Variants in POT1 observed in about 807,000 individuals in gnomAD.
The protein encoded by POT1 is protection of telomeres protein 1.
POT1 carries 47 observed loss-of-function variants against 78.5 expected under a neutral mutation model. The observed-to-expected ratio is 0.60, with a 90% CI of 0.47 to 0.76. The LOEUF (loss-of-function observed/expected upper bound fraction) is 0.76. POT1 is among the 30% of genes least tolerant of loss of function. The probability of loss-of-function intolerance (pLI) is 0.00; values close to 1 mark genes in which losing one functional copy is unlikely to be tolerated. For missense variants in POT1, 646 were observed against 749.9 expected (o/e 0.86, Z 1.62); for synonymous variants, 259 against 260.7 (o/e 0.99, Z 0.06).
At chr7:124,878,824 A>G (rs1293313710) in intron 6 of POT1, among the ~76,000 whole-genome samples, 1 of 152,150 alleles carries the variant, frequency 6.6e-6, no homozygotes, top group East Asian at 1.9e-4. Flanking sequence ...AGATAGCCAA[A>G]GAATGGAAGA....
At chr7:124,889,897 T>C (rs1388487976) in intron 6 of POT1, among the ~76,000 whole-genome samples, 1 of 152,006 alleles carries the variant, frequency 6.6e-6, no homozygotes, top group Non-Finnish European at 1.5e-5. Context: ...TCAAGATCAA[T>C]GTTATTTTCA....
intron 14 of POT1, among the ~76,000 whole-genome samples, chr7:124,839,564 G>C (rs193128537): frequency 2.9e-4 from 44 of 152,238 alleles, no homozygotes; most frequent in Non-Finnish European, 5.4e-4. Context: ...GTGCCATACT[G>C]CAGTAAGATC....
At chr7:124,867,656 TA>T (rs1264498890) in intron 7 of POT1, among the ~76,000 whole-genome samples, 147 of 152,116 alleles carry the variant, frequency 9.7e-4, no homozygotes, top group African/African-American at 3.3e-3. Context: ...ATTTATTTAT[TA>T]TTTTTTTTGG....
chr7:124,927,384 A>G (rs911031835), intron 2 of POT1, among the ~76,000 whole-genome samples: 8 of 152,194 alleles, frequency 5.3e-5, no homozygotes, highest in African/African-American at 1.9e-4. Flanking sequence ...CCTTGAATAA[A>G]TCACTTAACC....
Position 124,853,024 on chromosome 7 carries a change from G to A in POT1, c.817C>T (p.Arg273Trp), listed in dbSNP as rs1554423983. 2 of 1,613,176 alleles carry A rather than the reference G, an allele frequency of 1.2e-6. No homozygotes were observed. Among genetic ancestry groups the A allele is most frequent in the South Asian group, 1.1e-5 (1 of 90,990 alleles). Residue 273 changes from arginine to tryptophan, a missense_variant, in exon 10 of 19, where the codon CGG becomes TGG. Coordinates refer to ENST00000357628, the MANE Select transcript of POT1 (RefSeq NM_015450.3). ...CTTTCTGGCAAGACCCTGATTCCCC[G>A]ACCGTAACTGGTACCTCCATGAAGA... is the stretch of plus-strand genomic sequence containing the variant. ...FHLHGGTSYG[R>W]GIRVLPESNS...
chr7:124,881,200 T>C (rs1398585610), intron 6 of POT1, among the ~76,000 whole-genome samples: 1 of 151,978 alleles, frequency 6.6e-6, no homozygotes, highest in Non-Finnish European at 1.5e-5. Context: ...TATTTTCATA[T>C]GAAAAAACAC....
Position 124,871,050 on chromosome 7 carries a change from C to G in POT1, c.125-9G>C. The G allele has an allele frequency of 6.4e-7, 1 of 1,560,732 alleles. No homozygotes were observed. Among genetic ancestry groups the G allele is most frequent in the Non-Finnish European group, 8.7e-7 (1 of 1,154,436 alleles). ...TACAACTGAGCAATAATCTGGAAAACACAAAAATATTTTACCTGACTTTCA... is the reference window on the plus strand; with the variant it reads ...TACAACTGAGCAATAATCTGGAAAAGACAAAAATATTTTACCTGACTTTCA... On this transcript the variant is annotated splice_polypyrimidine_tract_variant and intron_variant, in intron 6 of 18. Coordinates refer to ENST00000357628, the MANE Select transcript of POT1 (RefSeq NM_015450.3).
chr7:124,833,461 C>T (rs1794818530), intron 15 of POT1, among the ~76,000 whole-genome samples: 1 of 152,180 alleles, frequency 6.6e-6, no homozygotes, highest in Admixed American at 6.5e-5. Context: ...TCCAAGGTTT[C>T]TCAAATCAGA....
chr7:124,903,588 G>T (rs1280267321), intron 3 of POT1, among the ~76,000 whole-genome samples: 1 of 152,052 alleles, frequency 6.6e-6, no homozygotes, highest in African/African-American at 2.4e-5. Flanking sequence ...ATCTAAAATG[G>T]ACACCCTAAC....
rs577362486 is a variant in POT1 at position 124,925,688 on chromosome 7, G to T, written c.-227+3127C>A. On this transcript the variant is annotated intron_variant, in intron 2 of 18. Coordinates refer to ENST00000357628, the MANE Select transcript of POT1 (RefSeq NM_015450.3). ...AAAAAGAACAATGCTGGAGGTACAC[G>T]TTGCCTCACTTCAAAATGTATTACA... Among the ~76,000 whole-genome samples the T allele has an allele frequency of 1.8e-4, 28 of 152,084 alleles. No individual in the cohort carries two copies. In the South Asian group the frequency reaches 5.6e-3, roughly 30 times the overall value.
At chr7:124,883,240 T>G (rs1205917392) in intron 6 of POT1, among the ~76,000 whole-genome samples, 1 of 151,994 alleles carries the variant, frequency 6.6e-6, no homozygotes, top group Non-Finnish European at 1.5e-5. Context: ...AAAATATATA[T>G]TCAAAAAGCA....
At chr7:124,901,956 TGAGAA>T (rs985993746) in intron 3 of POT1, among the ~76,000 whole-genome samples, 111 of 152,054 alleles carry the variant, frequency 7.3e-4, no homozygotes, top group African/African-American at 2.5e-3. Context: ...TGAAATAAAC[TGAGAA>T]GAGAAGTTTA....
intron 6 of POT1, among the ~76,000 whole-genome samples, chr7:124,881,777 T>C (rs1162242260): frequency 1.3e-5 from 2 of 152,044 alleles, no homozygotes; most frequent in Non-Finnish European, 2.9e-5. Flanking sequence ...TTTAGAAGTC[T>C]ATCTTCTTGT....
At chr7:124,857,817 TG>T (rs1270858472) in intron 9 of POT1, among the ~76,000 whole-genome samples, 1 of 152,166 alleles carries the variant, frequency 6.6e-6, no homozygotes, top group African/African-American at 2.4e-5. Flanking sequence ...GCCACAAGTG[TG>T]GTGTGAGTCA....
chr7:124,885,168 AT>A (rs1796213166), intron 6 of POT1, among the ~76,000 whole-genome samples: 1 of 151,818 alleles, frequency 6.6e-6, no homozygotes, highest in Non-Finnish European at 1.5e-5. Context: ...ATCAAAACCA[AT>A]TTTGGGCTTG....
intron 11 of POT1, among the ~76,000 whole-genome samples, chr7:124,850,197 C>T (rs922692063): frequency 6.6e-6 from 1 of 152,156 alleles, no homozygotes; most frequent in Admixed American, 6.5e-5. Flanking sequence ...AAAACGTTAT[C>T]ACGAAGTTGT....
chr7:124,927,549 A>G (rs1033821865), intron 2 of POT1, among the ~76,000 whole-genome samples: 1 of 152,178 alleles, frequency 6.6e-6, no homozygotes, highest in Non-Finnish European at 1.5e-5. Flanking sequence ...TACGTATCAA[A>G]GACTCCTGAG....
At chr7:124,887,881 T>C (rs542108779) in intron 6 of POT1, among the ~76,000 whole-genome samples, 4 of 152,262 alleles carry the variant, frequency 2.6e-5, no homozygotes, top group African/African-American at 9.6e-5. Flanking sequence ...CACAATAAAC[T>C]GAAATTCATG....
At position 124,847,000 on chromosome 7, in the gene POT1, T is replaced by C; in HGVS notation, c.950-2A>G. ...CGTATAATGATACTGATCCAGAGCCTATAAAAAGGAAAAGGCAAAAAAATT... is the reference window on the plus strand; with the variant it reads ...CGTATAATGATACTGATCCAGAGCCCATAAAAAGGAAAAGGCAAAAAAATT... On this transcript the variant is annotated splice_acceptor_variant, in intron 11 of 18. Transcript: ENST00000357628. LOFTEE classifies it high-confidence loss of function. 4 of 1,601,486 alleles carry C rather than the reference T, an allele frequency of 2.5e-6. No homozygotes were observed. The highest frequency in any genetic ancestry group is 2.2e-5 in the South Asian group (2 of 90,468).
Sources: allele counts gnomAD v4.1 joint callset (sites outside exome capture counted in the v4.1 genomes callset), GRCh38; gene constraint gnomAD v4.1.1; transcripts MANE v1.5; gene names NCBI Gene and HGNC (gene_info 2026-07-23, HGNC 2026-07-21).